Variants in MPHOSPH9 observed in about 807,000 individuals in gnomAD.
The protein encoded by MPHOSPH9 is M-phase phosphoprotein 9.
In MPHOSPH9, 88 loss-of-function variants were observed where a neutral mutation model predicts 145.5. The ratio of observed to expected loss-of-function variants is 0.60; its 90% confidence interval spans 0.51 to 0.72. MPHOSPH9 has a LOEUF of 0.72. MPHOSPH9 is among the 30% of genes least tolerant of loss of function. The pLI is 0.00. For missense variants in MPHOSPH9, 1,238 were observed against 1,386.6 expected, an observed-to-expected ratio of 0.89 and a Z score of 1.70; for synonymous variants, 435 against 486.2, an observed-to-expected ratio of 0.89 and a Z score of 1.39.
At chr12:123,212,836 G>A (rs1289377938) in intron 7 of MPHOSPH9, among the ~76,000 whole-genome samples, 1 of 123,604 alleles carries the variant, frequency 8.1e-6, no homozygotes, top group Non-Finnish European at 1.6e-5. Flanking sequence ...ACCATACTTT[G>A]AGTACCCATA....
intron 8 of MPHOSPH9, among the ~76,000 whole-genome samples, chr12:123,203,841 GC>G: frequency 6.6e-6 from 1 of 151,898 alleles, no homozygotes; most frequent in Non-Finnish European, 1.5e-5. Context: ...GCAAGACCAC[GC>G]CCAGCTAATT....
chr12:123,167,411 C>T (rs1006552531), intron 16 of MPHOSPH9, among the ~76,000 whole-genome samples: 1 of 152,188 alleles, frequency 6.6e-6, no homozygotes, highest in Non-Finnish European at 1.5e-5. Flanking sequence ...TTCTGAATTC[C>T]TCAGAACGAC....
chr12:123,169,977 A>T (rs1025345309), intron 16 of MPHOSPH9, among the ~76,000 whole-genome samples: 4 of 150,892 alleles, frequency 2.7e-5, no homozygotes, highest in Non-Finnish European at 5.9e-5. Flanking sequence ...CACATTTTTA[A>T]ATGTCTTTTT....
chr12:123,169,494 G>A (rs551768199), intron 16 of MPHOSPH9, among the ~76,000 whole-genome samples: 8 of 148,308 alleles, frequency 5.4e-5, no homozygotes, highest in South Asian at 2.1e-4. Context: ...GCGAGACTCC[G>A]TCTTAAAAAA....
intron 15 of MPHOSPH9, among the ~76,000 whole-genome samples, chr12:123,178,869 G>A (rs1224709013): frequency 2.6e-5 from 4 of 152,126 alleles, no homozygotes; most frequent in Non-Finnish European, 5.9e-5. Context: ...TACCATTTAC[G>A]ATTCTGTCCC....
chr12:123,182,238 G>GTT, intron 13 of MPHOSPH9, among the ~76,000 whole-genome samples: 1 of 127,766 alleles, frequency 7.8e-6, no homozygotes, highest in Non-Finnish European at 1.7e-5. Context: ...CATGCCCGGT[G>GTT]TTTTTTTTGT....
At chr12:123,227,838 C>G (rs1367778945) in intron 2 of MPHOSPH9, among the ~76,000 whole-genome samples, 1 of 152,190 alleles carries the variant, frequency 6.6e-6, no homozygotes, top group African/African-American at 2.4e-5. Flanking sequence ...AGAAGACCTT[C>G]TCCAGAAGTG....
At chr12:123,215,046 A>G (rs1415995117) in intron 6 of MPHOSPH9, among the ~76,000 whole-genome samples, 1 of 152,200 alleles carries the variant, frequency 6.6e-6, no homozygotes, top group Non-Finnish European at 1.5e-5. Context: ...GTTCGAAAAC[A>G]GCCTGGTCAA....
chr12:123,226,214 A>G, intron 3 of MPHOSPH9: 1 of 519,278 alleles, frequency 1.9e-6, no homozygotes, highest in Non-Finnish European at 2.5e-6. Context: ...AAAACTGAAA[A>G]CTCAATTTTT....
At position 123,178,076 on chromosome 12, in the gene MPHOSPH9, C is replaced by T. The variant is rs142245162; in HGVS notation, c.2355-1287G>A. ...CCCCTTTAAGAGATGAGGTCTCGCTCGGTCACCCAGGCTGGAGTGCACTGG... is the reference window on the plus strand; with the variant it reads ...CCCCTTTAAGAGATGAGGTCTCGCTTGGTCACCCAGGCTGGAGTGCACTGG... On this transcript the variant is annotated intron_variant, in intron 15 of 23. Coordinates refer to ENST00000606320, the MANE Select transcript of MPHOSPH9 (RefSeq NM_022782.4). 6.0e-3 allele frequency among the ~76,000 whole-genome samples: 916 copies of T among 152,288 alleles called. 12 individuals are homozygous for T. Among genetic ancestry groups the T allele is most frequent in the African/African-American group, 0.021 (879 of 41,534 alleles).
rs1011492175 is a variant in MPHOSPH9, at chr12:123,230,405, G to A, written c.-41C>T. The A allele has an allele frequency of 2.3e-6, 3 of 1,290,406 alleles. No individual in the cohort carries two copies. The allele number at this position is 1,290,406 out of a possible 1,614,324, so 79.9% of individuals were successfully genotyped here. On this transcript the variant is annotated 5_prime_UTR_variant, in exon 2 of 24. Transcript: ENST00000606320. ...TTATATTCTCTTATTGGAAAATAAAGGTTCTTGGGCTGTTTGAGAAAAATG... is the reference window on the plus strand; with the variant it reads ...TTATATTCTCTTATTGGAAAATAAAAGTTCTTGGGCTGTTTGAGAAAAATG...
At chr12:123,211,275 G>A (rs371150650) in intron 7 of MPHOSPH9, among the ~76,000 whole-genome samples, 1 of 149,728 alleles carries the variant, frequency 6.7e-6, no homozygotes. Flanking sequence ...GTGAGCCACC[G>A]TGCCCAGACT....
Position 123,174,935 on chromosome 12 carries a change from A to G in MPHOSPH9, c.2456+1753T>C, listed in dbSNP as rs371972826. ...ACCATATCCTATAGATCCTACCTCT[A>G]GAATCTCTCCCGAAGAGTCTCTATT... On this transcript the variant is annotated intron_variant, in intron 16 of 23. Coordinates refer to ENST00000606320, the MANE Select transcript of MPHOSPH9 (RefSeq NM_022782.4). Among the ~76,000 whole-genome samples, 11 of 152,186 alleles carry G rather than the reference A, an allele frequency of 7.2e-5. No individual in the cohort carries two copies. The South Asian group carries it at 1.0e-3, about 14-fold the overall frequency.
Position 123,155,953 on chromosome 12 carries a change from A to G in MPHOSPH9, c.*854T>C, listed in dbSNP as rs2043850596. ...AAAGGGGTGAACATATCCAGATGAC[A>G]ACTATGACGGACAGCTGAAGCCATG... On this transcript the variant is annotated 3_prime_UTR_variant, in exon 24 of 24. Transcript: ENST00000606320. 6.6e-6 allele frequency: 1 copy of G among 152,304 alleles called. No individual in the cohort carries two copies. Among genetic ancestry groups the G allele is most frequent in the South Asian group, 2.1e-4 (1 of 4,832 alleles). The allele number at this position is 152,304 out of a possible 1,614,324, so 9.4% of individuals were successfully genotyped here.
At chr12:123,214,151 C>A (rs1467407085) in intron 7 of MPHOSPH9, among the ~76,000 whole-genome samples, 1 of 152,102 alleles carries the variant, frequency 6.6e-6, no homozygotes, top group Non-Finnish European at 1.5e-5. Flanking sequence ...TTTTGGACTA[C>A]CCGAAAAAGG....
chr12:123,219,552 CAAAA>C (rs778997410), intron 5 of MPHOSPH9, among the ~76,000 whole-genome samples: 3 of 49,932 alleles, frequency 6.0e-5, no homozygotes, highest in African/African-American at 2.1e-4. Flanking sequence ...GACTCTGTCT[CAAAA>C]AAAAAAAAAA....
chr12:123,200,514 C>T (rs549828017), intron 11 of MPHOSPH9, among the ~76,000 whole-genome samples: 13 of 152,282 alleles, frequency 8.5e-5, no homozygotes, highest in Admixed American at 3.9e-4. Context: ...CAAACATCTT[C>T]TAGTCATAAA....
intron 13 of MPHOSPH9, among the ~76,000 whole-genome samples, chr12:123,189,657 G>C (rs971057500): frequency 6.6e-6 from 1 of 152,026 alleles, no homozygotes; most frequent in Non-Finnish European, 1.5e-5. Flanking sequence ...TATTAAGGCC[G>C]GGCACGGTGG....
chr12:123,243,659 C>G (rs983172464), intron 1 of MPHOSPH9, among the ~76,000 whole-genome samples: 1 of 151,940 alleles, frequency 6.6e-6, no homozygotes, highest in African/African-American at 2.4e-5. Context: ...GAGCCGAGAT[C>G]GCGCCACTGT....
Sources: gnomAD v4.1 joint callset for allele counts (sites outside exome capture counted in the v4.1 genomes callset) on GRCh38, gnomAD v4.1.1 for gene constraint, MANE v1.5 for transcripts, NCBI Gene and HGNC (gene_info 2026-07-23, HGNC 2026-07-21) for gene names.